The following CCDC171 variants were observed in gnomAD, a reference collection of about 807,000 sequenced individuals.
CCDC171 encodes coiled-coil domain containing 171.
Under a neutral mutation model 168.2 loss-of-function variants are expected in CCDC171, and 177 were observed. The ratio of observed to expected loss-of-function variants is 1.05; its 90% CI spans 0.93 to 1.19. CCDC171 has a LOEUF of 1.19. Ranked by LOEUF, CCDC171 falls within the 50% of genes most tolerant of loss-of-function variation. The pLI, the probability that CCDC171 is intolerant of heterozygous loss-of-function variation, is 0.00. For synonymous variants in CCDC171, 687 were observed against 540.8 expected (o/e 1.27, Z -3.75); for missense variants, 1,991 against 1,539.0 (o/e 1.29, Z -4.91).
intron 23 of CCDC171, among the ~76,000 whole-genome samples, chr9:15,855,201 T>C (rs764295425): frequency 6.6e-6 from 1 of 151,800 alleles, no homozygotes; most frequent in Non-Finnish European, 1.5e-5. Flanking sequence ...ATTGTTGAAC[T>C]CTTTTTCCTC....
chr9:15,632,770 T>C lies in CCDC171; in HGVS notation c.822+9357T>C, dbSNP rs1417087813. Among the ~76,000 whole-genome samples, 3 of 152,290 alleles carry C rather than the reference T, an allele frequency of 2.0e-5. No individual in the cohort carries two copies. In the East Asian group the frequency reaches 5.8e-4, roughly 29 times the overall value. On this transcript the variant is annotated intron_variant, in intron 7 of 25. Transcript: ENST00000380701. ...GACATCATGCTACCTGACTTCAAAC[T>C]ATACTACAAGGCTACAGTAACCAAA...
chr9:15,755,008 G>A (rs1447449107), intron 18 of CCDC171, among the ~76,000 whole-genome samples: 6 of 152,090 alleles, frequency 3.9e-5, no homozygotes, highest in African/African-American at 7.2e-5. Flanking sequence ...TTATAAATTA[G>A]TATATAAAGA....
intron 25 of CCDC171, among the ~76,000 whole-genome samples, chr9:15,947,666 T>C (rs1828574276): frequency 6.6e-6 from 1 of 152,008 alleles, no homozygotes; most frequent in Non-Finnish European, 1.5e-5. Flanking sequence ...TTCCTACGAA[T>C]GTGGGTATAC....
At chr9:15,599,468 A>T (rs1026979948) in intron 6 of CCDC171, among the ~76,000 whole-genome samples, 14 of 152,152 alleles carry the variant, frequency 9.2e-5, no homozygotes, top group Non-Finnish European at 2.1e-4. Flanking sequence ...AGAATGTTGA[A>T]TATTGGCCCC....
chr9:15,690,848 C>T (rs1399883007), intron 10 of CCDC171, among the ~76,000 whole-genome samples: 1 of 151,836 alleles, frequency 6.6e-6, no homozygotes, highest in Non-Finnish European at 1.5e-5. Context: ...TATGAACAGG[C>T]AATGCACAGA....
chr9:15,710,119 AAAATAT>A (rs914187906), intron 11 of CCDC171, among the ~76,000 whole-genome samples: 18 of 152,318 alleles, frequency 1.2e-4, no homozygotes, highest in African/African-American at 4.1e-4. Context: ...AAGTCTTTTA[AAAATAT>A]AAATATAAGA....
intron 18 of CCDC171, among the ~76,000 whole-genome samples, chr9:15,750,413 C>A (rs910574813): frequency 1.3e-5 from 2 of 152,152 alleles, no homozygotes; most frequent in Admixed American, 6.5e-5. Context: ...GGTACCATTC[C>A]TTCTGAAACT....
At chr9:15,597,645 T>A (rs960400642) in intron 6 of CCDC171, among the ~76,000 whole-genome samples, 5 of 152,202 alleles carry the variant, frequency 3.3e-5, no homozygotes, top group African/African-American at 1.2e-4. Context: ...CCTATCAGGA[T>A]GATGCTGGCC....
At chr9:16,052,407 A>C (rs1287294278) in intron 1 of CCDC171, among the ~76,000 whole-genome samples, 1 of 152,112 alleles carries the variant, frequency 6.6e-6, no homozygotes. Context: ...AACGAGTGAC[A>C]GCACTCTCAG....
intron 3 of CCDC171, among the ~76,000 whole-genome samples, chr9:15,575,549 C>T (rs1167496088): frequency 1.3e-5 from 2 of 152,198 alleles, no homozygotes; most frequent in African/African-American, 4.8e-5. Flanking sequence ...AAGATATTGT[C>T]TGACCCAGCC....
intron 21 of CCDC171, among the ~76,000 whole-genome samples, chr9:15,837,308 T>C (rs1343419403): frequency 2.6e-5 from 4 of 152,176 alleles, no homozygotes; most frequent in African/African-American, 9.7e-5. Flanking sequence ...TTAGAACAAC[T>C]ATGTTTTTCT....
chr9:15,971,573 T>C (rs1831357597), intron 25 of CCDC171, 36 bp from the exon 26 acceptor site: 1 of 1,469,970 alleles, frequency 6.8e-7, no homozygotes, highest in African/African-American at 1.4e-5. Flanking sequence ...AGTTTTCAAC[T>C]CTATGTTTAT....
intron 25 of CCDC171, among the ~76,000 whole-genome samples, chr9:15,942,398 G>C (rs551028451): frequency 1.3e-5 from 2 of 151,944 alleles, no homozygotes; most frequent in East Asian, 1.9e-4. Flanking sequence ...TGGTATGTCA[G>C]ATTATTACTG....
At chr9:15,592,156 G>GAA (rs34449158) in intron 5 of CCDC171, among the ~76,000 whole-genome samples, 4,779 of 140,730 alleles carry the variant, frequency 0.034, 256 homozygotes, top group African/African-American at 0.11. Context: ...CAGTTTAAAT[G>GAA]AAAAAAAAAA....
intron 1 of CCDC171, among the ~76,000 whole-genome samples, chr9:16,054,348 T>G (rs956081569): frequency 2.6e-5 from 4 of 152,206 alleles, no homozygotes; most frequent in Admixed American, 2.0e-4. Context: ...AGTCCAGAGA[T>G]GGCACAAAGG....
At chr9:15,906,408 C>G (rs1430375286) in intron 24 of CCDC171, among the ~76,000 whole-genome samples, 1 of 152,122 alleles carries the variant, frequency 6.6e-6, no homozygotes, top group Non-Finnish European at 1.5e-5. Flanking sequence ...TATAAAAGAA[C>G]CAACAACAAA....
In CCDC171 at chr9:15,993,237, C is replaced by G. The variant is rs574313498; in HGVS notation, n.369-27352C>G. The stretch of plus-strand genomic sequence containing the variant: ...AAGCAAAACAGCATGGTACTGGTAC[C>G]AAAACAGAGATACAGACCAATGGAA... On this transcript the variant is annotated intron_variant and non_coding_transcript_variant, in intron 3 of 9. Coordinates refer to the CCDC171 transcript ENST00000486641. Among the ~76,000 whole-genome samples, 5 of 151,890 alleles carry G rather than the reference C, an allele frequency of 3.3e-5. No individual in the cohort carries two copies. In the South Asian group the frequency reaches 6.2e-4, roughly 19 times the overall value.
At chr9:15,705,660 C>T (rs1156374358) in intron 11 of CCDC171, among the ~76,000 whole-genome samples, 2 of 152,180 alleles carry the variant, frequency 1.3e-5, no homozygotes, top group African/African-American at 4.8e-5. Flanking sequence ...CACTGTGTCT[C>T]TCCCTTGCAT....
chr9:15,655,279 G>T (rs993694547), intron 7 of CCDC171, among the ~76,000 whole-genome samples: 2 of 152,042 alleles, frequency 1.3e-5, no homozygotes, highest in Non-Finnish European at 2.9e-5. Context: ...AATCAAATTA[G>T]TAATGCCTTT....
Sources: gnomAD v4.1 joint callset for allele counts (sites outside exome capture counted in the v4.1 genomes callset) on GRCh38, gnomAD v4.1.1 for gene constraint, MANE v1.5 for transcripts, NCBI Gene and HGNC (gene_info 2026-07-23, HGNC 2026-07-21) for gene names.